FRYL: variants seen among roughly 807,000 people sequenced by gnomAD.
FRYL encodes the protein FRY like transcription coactivator.
A neutral mutation model predicts 351.2 loss-of-function variants in FRYL; 150 were observed. The ratio of observed to expected loss-of-function variants is 0.43; its 90% CI spans 0.37 to 0.49. The LOEUF is 0.49. Among genes scored for constraint, FRYL ranks in the 20% least tolerant of loss-of-function variants. The pLI, the probability that FRYL is intolerant of heterozygous loss-of-function variation, is 0.00. For synonymous variants in FRYL, 1,153 were observed against 1,257.1 expected (o/e 0.92, Z 1.75); for missense variants, 3,036 against 3,619.3 (o/e 0.84, Z 4.13).
intron 19 of FRYL, among the ~76,000 whole-genome samples, chr4:48,584,000 G>A (rs1277799575): frequency 1.3e-5 from 2 of 152,038 alleles, no homozygotes; most frequent in East Asian, 3.8e-4. Flanking sequence ...TATACAATCT[G>A]CTTTTAAATA....
intron 28 of FRYL, among the ~76,000 whole-genome samples, chr4:48,566,490 AT>A (rs1181733890): frequency 4.6e-5 from 7 of 152,218 alleles, no homozygotes; most frequent in Non-Finnish European, 7.3e-5. Context: ...TTCGAAAAAA[AT>A]ATGCTCTTTT....
At chr4:48,725,255 G>A (rs1390165073) in intron 1 of FRYL, among the ~76,000 whole-genome samples, 1 of 152,234 alleles carries the variant, frequency 6.6e-6, no homozygotes, top group Non-Finnish European at 1.5e-5. Flanking sequence ...CCACTAAGGT[G>A]AGGCCCAGAA....
chr4:48,584,046 G>C (rs187388418), intron 19 of FRYL, among the ~76,000 whole-genome samples: 130 of 152,100 alleles, frequency 8.5e-4, no homozygotes, highest in African/African-American at 3.1e-3. Flanking sequence ...TATAATTTTA[G>C]TTACAGAAGT....
At chr4:48,671,873 CAAAAAA>C (rs71191252) in intron 3 of FRYL, among the ~76,000 whole-genome samples, 4 of 51,836 alleles carry the variant, frequency 7.7e-5, no homozygotes, top group South Asian at 1.5e-3. Context: ...AAAAAAAAAA[CAAAAAA>C]AAAAAAAAAA....
chr4:48,632,102 A>ATATATATATATATATG (rs1753254752), intron 4 of FRYL, among the ~76,000 whole-genome samples: 10 of 36,766 alleles, frequency 2.7e-4, no homozygotes, highest in Admixed American at 5.3e-4. Context: ...ATATATATAT[A>ATATATATATATATATG]TATATATATA....
At chr4:48,529,037 CT>C (rs1726928596) in intron 50 of FRYL, among the ~76,000 whole-genome samples, 1 of 152,180 alleles carries the variant, frequency 6.6e-6, no homozygotes, top group African/African-American at 2.4e-5. Flanking sequence ...CCACTTCCCC[CT>C]CTCTGAACTT....
chr4:48,508,640 T>C (rs1000322321), intron 59 of FRYL, among the ~76,000 whole-genome samples: 1 of 152,156 alleles, frequency 6.6e-6, no homozygotes, highest in Non-Finnish European at 1.5e-5. Context: ...CTACAGTCAT[T>C]GATGGCTTGA....
At chr4:48,744,417 GA>G (rs2149653658) in intron 1 of FRYL, among the ~76,000 whole-genome samples, 1 of 152,022 alleles carries the variant, frequency 6.6e-6, no homozygotes, top group East Asian at 1.9e-4. Context: ...AAATGACAAG[GA>G]AAAAAATGTT....
At chr4:48,662,045 G>GAAAC (rs768327424) in intron 3 of FRYL, among the ~76,000 whole-genome samples, 16 of 152,212 alleles carry the variant, frequency 1.1e-4, no homozygotes, top group Non-Finnish European at 1.6e-4. Context: ...TAAACATAAT[G>GAAAC]AAACAAACAA....
chr4:48,608,416 G>T (rs1468907154), intron 9 of FRYL, among the ~76,000 whole-genome samples: 4 of 152,038 alleles, frequency 2.6e-5, no homozygotes. Context: ...TTCCATAATT[G>T]TTACAGTAAC....
chr4:48,658,659 T>G (rs1201117137), intron 3 of FRYL, among the ~76,000 whole-genome samples: 1 of 142,778 alleles, frequency 7.0e-6, no homozygotes, highest in African/African-American at 2.6e-5. Context: ...GAGGATGAGG[T>G]GGGAGGATCA....
At chr4:48,674,829 C>T (rs1030470166) in intron 3 of FRYL, among the ~76,000 whole-genome samples, 3 of 149,348 alleles carry the variant, frequency 2.0e-5, no homozygotes, top group African/African-American at 7.4e-5. Context: ...TTATTTAATC[C>T]AAAACTCCAT....
chr4:48,593,877 G>A, intron 16 of FRYL, 53 bp downstream of exon 16: 3 of 772,604 alleles, frequency 3.9e-6, no homozygotes, highest in Non-Finnish European at 5.8e-6. Context: ...CAGAAATCAT[G>A]CTCTTAAAAA....
chr4:48,653,860 T>TTGCCG, intron 3 of FRYL: 1 of 1,286,580 alleles, frequency 7.8e-7, no homozygotes. Flanking sequence ...AGCAGCGGTT[T>TTGCCG]TGCCGTTCTG....
chr4:48,527,039 T>C (rs1204454060), intron 53 of FRYL, among the ~76,000 whole-genome samples: 1 of 152,166 alleles, frequency 6.6e-6, no homozygotes, highest in Non-Finnish European at 1.5e-5. Context: ...TGAGAATTGA[T>C]GAATGTGTAT....
In FRYL at chr4:48,634,299, C is replaced by A; in HGVS notation, c.112G>T (p.Glu38Ter). 1.9e-6 allele frequency: 3 copies of A among 1,611,108 alleles called. No individual in the cohort carries two copies. Among genetic ancestry groups the A allele is most frequent in the Non-Finnish European group, 2.5e-6 (3 of 1,177,458 alleles). ...AEKKIEVVMA[E>*]PLEKLLSRSL... is the part of the protein sequence containing the mutation. ...AGGTCAGCTGTACTCACCAAGGGTT[C>A]GGCCATTACAACTTCAATTTTCTTT... is the stretch of plus-strand genomic sequence containing the variant. Residue 38 changes from glutamate (E) to a stop codon, truncating the protein, a stop_gained, in exon 4 of 64, where the codon GAA (glutamate) becomes TAA (stop). Transcript: ENST00000358350. LOFTEE classifies it high-confidence loss of function.
intron 18 of FRYL, among the ~76,000 whole-genome samples, chr4:48,589,401 A>G (rs1742803824): frequency 3.4e-5 from 5 of 147,592 alleles, no homozygotes; most frequent in Admixed American, 3.4e-4. Context: ...TTTTTAAACT[A>G]GGGCTTTGGC....
Position 48,778,061 on chromosome 4 carries a change from G to C in FRYL, c.-384+2017C>G, listed in dbSNP as rs148597215. Among the ~76,000 whole-genome samples, 117 of 152,322 alleles carry C rather than the reference G, an allele frequency of 7.7e-4. 3 individuals are homozygous for C. The East Asian group carries it at 0.017, about 22-fold the overall frequency. On this transcript the variant is annotated intron_variant, in intron 1 of 63. Coordinates refer to ENST00000358350, the MANE Select transcript of FRYL (RefSeq NM_015030.2). ...AAAATAAAAATTTTAGCTAGGCGCA[G>C]TCGTGCCCACCTGTAGTCCCGGCTA...
chr4:48,775,037 A>G (rs890439869), intron 1 of FRYL, among the ~76,000 whole-genome samples: 3 of 152,244 alleles, frequency 2.0e-5, no homozygotes, highest in South Asian at 2.1e-4. Flanking sequence ...AAGTATAAGG[A>G]AAGACACAAT....
Sources: allele counts gnomAD v4.1 joint callset (sites outside exome capture counted in the v4.1 genomes callset), GRCh38; gene constraint gnomAD v4.1.1; transcripts MANE v1.5; gene names NCBI Gene and HGNC (gene_info 2026-07-23, HGNC 2026-07-21).